The following MYO3B variants were observed in gnomAD, a reference collection of about 807,000 sequenced individuals.
The protein encoded by MYO3B is myosin IIIB, also known as myosin-IIIb.
MYO3B carries 156 observed loss-of-function variants against 174.6 expected under a neutral mutation model. That is an observed-to-expected ratio of 0.89 (90% CI 0.78 to 1.02). MYO3B has a LOEUF of 1.02. Among genes scored for constraint, MYO3B ranks in the 50% least tolerant of loss-of-function variants. The pLI is 0.00. For missense variants in MYO3B, 1,632 were observed against 1,639.4 expected, an observed-to-expected ratio of 1.00 and a Z score of 0.08; for synonymous variants, 563 against 569.1, an observed-to-expected ratio of 0.99 and a Z score of 0.15.
intron 32 of MYO3B, among the ~76,000 whole-genome samples, chr2:170,570,287 C>T (rs981321664): frequency 6.6e-6 from 1 of 152,142 alleles, no homozygotes; most frequent in African/African-American, 2.4e-5. Context: ...GGAAAGGAGA[C>T]TTGAATGTAA....
chr2:170,509,496 C>A (rs186716650), intron 28 of MYO3B, among the ~76,000 whole-genome samples: 2 of 152,340 alleles, frequency 1.3e-5, no homozygotes, highest in Admixed American at 1.3e-4. Flanking sequence ...TCTTAACTTA[C>A]GTCTTGTTTA....
intron 9 of MYO3B, among the ~76,000 whole-genome samples, chr2:170,379,625 T>C (rs138583978): frequency 1.0e-3 from 155 of 152,366 alleles, no homozygotes; most frequent in African/African-American, 3.6e-3. Context: ...GCAGCAGCTC[T>C]GAGTTTTAGT....
At chr2:170,395,570 G>T (rs188668623) in intron 16 of MYO3B, among the ~76,000 whole-genome samples, 1 of 152,102 alleles carries the variant, frequency 6.6e-6, no homozygotes, top group African/African-American at 2.4e-5. Flanking sequence ...TATGACTCGG[G>T]AGTCTTGAGG....
At chr2:170,437,545 C>T (rs181119834) in intron 22 of MYO3B, among the ~76,000 whole-genome samples, 48 of 152,254 alleles carry the variant, frequency 3.2e-4, no homozygotes, top group Non-Finnish European at 4.6e-4. Flanking sequence ...ACAAATAGGC[C>T]TTGCTAAGTT....
At chr2:170,325,635 G>GGA (rs1361822760) in intron 7 of MYO3B, among the ~76,000 whole-genome samples, 2 of 152,148 alleles carry the variant, frequency 1.3e-5, no homozygotes, top group African/African-American at 4.8e-5. Flanking sequence ...GTGAGTTTGG[G>GGA]GAGGAACTGG....
chr2:170,325,348 C>T (rs1262143296), intron 7 of MYO3B, among the ~76,000 whole-genome samples: 1 of 152,026 alleles, frequency 6.6e-6, no homozygotes, highest in East Asian at 1.9e-4. Context: ...GCTGGGATTA[C>T]AGGCACCCAC....
chr2:170,552,577 C>T (rs1220669408), intron 32 of MYO3B, among the ~76,000 whole-genome samples: 2 of 152,078 alleles, frequency 1.3e-5, no homozygotes, highest in East Asian at 3.9e-4. Context: ...AAAGAAATGA[C>T]CTGAAACTAG....
At chr2:170,536,891 C>T (rs567840536) in intron 30 of MYO3B, among the ~76,000 whole-genome samples, 188 of 152,068 alleles carry the variant, frequency 1.2e-3, no homozygotes, top group African/African-American at 4.2e-3. Flanking sequence ...ATTCTTGGGG[C>T]CCCTACTATT....
chr2:170,632,470 T>A (rs528857896), intron 32 of MYO3B, among the ~76,000 whole-genome samples: 1 of 152,006 alleles, frequency 6.6e-6, no homozygotes. Context: ...CTGGGACACA[T>A]TTAAAGCAGT....
intron 32 of MYO3B, among the ~76,000 whole-genome samples, chr2:170,591,856 G>T (rs1037931263): frequency 7.9e-5 from 12 of 152,156 alleles, no homozygotes; most frequent in Admixed American, 6.5e-4. Context: ...ATTAAACTTG[G>T]TCGTAGAAAT....
intron 23 of MYO3B, among the ~76,000 whole-genome samples, chr2:170,458,592 G>T: frequency 6.6e-6 from 1 of 152,178 alleles, no homozygotes; most frequent in East Asian, 1.9e-4. Flanking sequence ...AAAATTAAAT[G>T]ATGCTACTAC....
chr2:170,198,969 C>A (rs901747241), intron 1 of MYO3B, among the ~76,000 whole-genome samples: 1 of 152,140 alleles, frequency 6.6e-6, no homozygotes, highest in African/African-American at 2.4e-5. Context: ...ACATAATTTC[C>A]ATTTTTAGAA....
At chr2:170,385,608 GA>G (rs2094368241) in intron 12 of MYO3B, among the ~76,000 whole-genome samples, 1 of 152,054 alleles carries the variant, frequency 6.6e-6, no homozygotes, top group African/African-American at 2.4e-5. Context: ...AAACAATACG[GA>G]CAGGTCATGT....
intron 32 of MYO3B, among the ~76,000 whole-genome samples, chr2:170,592,232 G>A (rs534521576): frequency 3.9e-5 from 6 of 152,270 alleles, no homozygotes; most frequent in Middle Eastern, 3.4e-3. Flanking sequence ...TGTTTCAGGC[G>A]TGGCAGGGTA....
At chr2:170,293,830 C>T (rs1432440588) in intron 7 of MYO3B, among the ~76,000 whole-genome samples, 5 of 152,036 alleles carry the variant, frequency 3.3e-5, no homozygotes, top group African/African-American at 1.2e-4. Context: ...CTTCTAGAGC[C>T]CAAACTAGAG....
At position 170,231,329 on chromosome 2, in the gene MYO3B, G is replaced by A. The variant is rs918018860; in HGVS notation, c.604-4662G>A. 2.0e-5 allele frequency among the ~76,000 whole-genome samples: 3 copies of A among 152,182 alleles called. 1 individual carries two copies. Among genetic ancestry groups the A allele is most frequent in the South Asian group, 4.1e-4 (2 of 4,830 alleles). On this transcript the variant is annotated intron_variant, in intron 6 of 34. Coordinates refer to ENST00000408978, the MANE Select transcript of MYO3B (RefSeq NM_138995.5). ...TTGCTCCAAAGACCTGTCAAGCTAA[G>A]CCATTAGTGAAAACTTGTTTCTTGT...
At chr2:170,549,276 C>T (rs555235504) in intron 32 of MYO3B, among the ~76,000 whole-genome samples, 372 of 152,222 alleles carry the variant, frequency 2.4e-3, no homozygotes, top group Non-Finnish European at 4.4e-3. Flanking sequence ...GGGAGTATAC[C>T]TTAATCACGT....
At chr2:170,379,407 A>C (rs945649760) in intron 9 of MYO3B, among the ~76,000 whole-genome samples, 8 of 152,030 alleles carry the variant, frequency 5.3e-5, no homozygotes, top group African/African-American at 1.9e-4. Context: ...GTTGGCCAGG[A>C]TGGTCTTAAT....
At chr2:170,194,067 T>C (rs943728785) in intron 1 of MYO3B, among the ~76,000 whole-genome samples, 1 of 151,946 alleles carries the variant, frequency 6.6e-6, no homozygotes, top group East Asian at 1.9e-4. Flanking sequence ...ATTTATCTCT[T>C]GGTTAGCTGG....
Sources: allele counts gnomAD v4.1 joint callset (sites outside exome capture counted in the v4.1 genomes callset), GRCh38; gene constraint gnomAD v4.1.1; transcripts MANE v1.5; gene names NCBI Gene and HGNC (gene_info 2026-07-23, HGNC 2026-07-21).